Variants in STK33 observed in about 807,000 individuals in gnomAD.
The protein encoded by STK33 is serine/threonine-protein kinase 33.
STK33 carries 52 observed loss-of-function variants against 58.0 expected under a neutral mutation model. That is an observed-to-expected ratio of 0.90 (90% CI 0.72 to 1.13). The LOEUF (loss-of-function observed/expected upper bound fraction) is 1.13. STK33 is among the 50% of genes most tolerant of loss of function. STK33 has a pLI of 0.00. For synonymous variants in STK33, 215 were observed against 200.1 expected (o/e 1.07, Z -0.63); for missense variants, 630 against 604.2 (o/e 1.04, Z -0.45).
intron 11 of STK33, among the ~76,000 whole-genome samples, chr11:8,444,149 T>C (rs1370749462): frequency 6.6e-6 from 1 of 152,124 alleles, no homozygotes; most frequent in African/African-American, 2.4e-5. Flanking sequence ...TTGGGAGCTT[T>C]ATTTATTATT....
intron 1 of STK33, among the ~76,000 whole-genome samples, chr11:8,496,390 A>C (rs1387143473): frequency 6.6e-6 from 1 of 152,190 alleles, no homozygotes; most frequent in Non-Finnish European, 1.5e-5. Context: ...TGCTTCTATG[A>C]TTAGACTTGA....
chr11:8,565,469 G>C (rs1196761879), intron 1 of STK33, among the ~76,000 whole-genome samples: 1 of 151,500 alleles, frequency 6.6e-6, no homozygotes, highest in Non-Finnish European at 1.5e-5. Context: ...TTCACAGCCG[G>C]AGTCATAAGC....
At chr11:8,579,978 G>C (rs1023648495) in intron 1 of STK33, among the ~76,000 whole-genome samples, 3 of 152,146 alleles carry the variant, frequency 2.0e-5, no homozygotes, top group Non-Finnish European at 4.4e-5. Context: ...AAATGCTAGA[G>C]GAGATGTGGA....
chr11:8,344,349 T>A, the STK33 span, among the ~76,000 whole-genome samples: 7 of 152,106 alleles, frequency 4.6e-5, no homozygotes, highest in Non-Finnish European at 7.4e-5. Flanking sequence ...ACCACTGCAC[T>A]CCAACCTGGG....
chr11:8,465,628 C>T (rs1158560984), intron 6 of STK33: 2 of 152,108 alleles, frequency 1.3e-5, no homozygotes, highest in African/African-American at 4.8e-5. Flanking sequence ...GTTTCTGGAC[C>T]CATCGTGCAT....
At chr11:8,593,321 T>C (rs1047760237) in intron 1 of STK33, among the ~76,000 whole-genome samples, 2 of 152,178 alleles carry the variant, frequency 1.3e-5, no homozygotes, top group Admixed American at 6.5e-5. Context: ...TGGTTGGATA[T>C]TGGAGTCATT....
chr11:8,355,585 GCT>G, the STK33 span, among the ~76,000 whole-genome samples: 24 of 152,306 alleles, frequency 1.6e-4, no homozygotes, highest in Non-Finnish European at 3.2e-4. Context: ...CTGAGCAGCA[GCT>G]CCAGGCCCGC....
intron 1 of STK33, among the ~76,000 whole-genome samples, chr11:8,510,812 T>C (rs978335296): frequency 1.8e-4 from 28 of 152,164 alleles, no homozygotes; most frequent in African/African-American, 6.8e-4. Context: ...CAGTTGGCTA[T>C]AAGTGTTTGA....
At chr11:8,384,366 G>T in the STK33 span, among the ~76,000 whole-genome samples, 1 of 152,132 alleles carries the variant, frequency 6.6e-6, no homozygotes, top group Non-Finnish European at 1.5e-5. Context: ...GCCTGGGAAG[G>T]CGCTCATTAC....
the STK33 span, among the ~76,000 whole-genome samples, chr11:8,384,387 G>A: frequency 4.6e-5 from 7 of 151,698 alleles, no homozygotes; most frequent in Non-Finnish European, 8.8e-5. Context: ...TTAGCAGACC[G>A]TGAAAGGGAA....
intron 1 of STK33, among the ~76,000 whole-genome samples, chr11:8,564,219 G>C (rs1591813857): frequency 6.6e-6 from 1 of 152,272 alleles, no homozygotes; most frequent in South Asian, 2.1e-4. Context: ...ATATAGATTT[G>C]GTTGTAGGGA....
chr11:8,584,746 A>G (rs559528161), intron 1 of STK33, among the ~76,000 whole-genome samples: 29 of 152,220 alleles, frequency 1.9e-4, no homozygotes, highest in African/African-American at 7.0e-4. Flanking sequence ...CAGGAGATAG[A>G]CCCTTTCAGA....
intron 15 of STK33, among the ~76,000 whole-genome samples, chr11:8,398,377 A>G (rs11041905): frequency 0.61 from 92,745 of 151,960 alleles, 29,329 homozygotes; most frequent in African/African-American, 0.76. Context: ...CATAAGTGAA[A>G]GAGAAATAAA....
At chr11:8,422,505 G>C (rs548647408) in intron 14 of STK33, among the ~76,000 whole-genome samples, 1 of 152,150 alleles carries the variant, frequency 6.6e-6, no homozygotes, top group East Asian at 1.9e-4. Context: ...CTCTTTTGAG[G>C]GGTAGAAGAA....
chr11:8,485,441 T>G (rs1219048541), intron 1 of STK33, among the ~76,000 whole-genome samples: 1 of 152,180 alleles, frequency 6.6e-6, no homozygotes, highest in Non-Finnish European at 1.5e-5. Flanking sequence ...CAAGTCAAAC[T>G]GAACCTAAAA....
chr11:8,457,404 C>A lies in STK33; in HGVS notation c.634G>T (p.Glu212Ter), dbSNP rs752273050. ...TGAATGATCCACCTTGTCTCATTCT[C>A]TGAGAAATGCCCTTTCCTATCCAGA... ...EILDRKGHFS[E>*]NETRWIIQSL... is the part of the protein sequence containing the mutation. Residue 212 changes from glutamate to a stop codon, truncating the protein, a stop_gained, in exon 9 of 16, where the codon GAG becomes TAG. Transcript: ENST00000687296. LOFTEE classifies it high-confidence loss of function. The A allele has an allele frequency of 6.2e-7, 1 of 1,608,596 alleles. No individual in the cohort carries two copies. Among genetic ancestry groups the A allele is most frequent in the Non-Finnish European group, 8.5e-7 (1 of 1,176,298 alleles).
intron 1 of STK33, among the ~76,000 whole-genome samples, chr11:8,565,485 G>T (rs1957389669): frequency 6.6e-6 from 1 of 151,532 alleles, no homozygotes. Context: ...TAAGCCCCGA[G>T]TTCAAATATC....
At position 8,549,732 on chromosome 11, in the gene STK33, ATTCAT is replaced by A. The variant is rs199857954; in HGVS notation, c.-466+44346_-466+44350del. Among the ~76,000 whole-genome samples the A allele has an allele frequency of 6.6e-3, 997 of 152,130 alleles. 9 individuals carry two copies. Among genetic ancestry groups the A allele is most frequent in the African/African-American group, 0.022 (904 of 41,520 alleles). On this transcript the variant is annotated intron_variant, in intron 1 of 15. Coordinates refer to ENST00000687296, the MANE Select transcript of STK33 (RefSeq NM_001352389.2). ...TGATAGGTTATGTATATAGGAATTT[ATTCAT>A]TTCGTCTAAGTTTTTCAATTTGTTG...
chr11:8,398,713 A>T (rs112635077), intron 15 of STK33, among the ~76,000 whole-genome samples: 33,803 of 151,694 alleles, frequency 0.22, 4,051 homozygotes, highest in South Asian at 0.36. Flanking sequence ...TATTCAGGAA[A>T]CTCATCTCAC....
Sources: gnomAD v4.1 joint callset for allele counts (sites outside exome capture counted in the v4.1 genomes callset) on GRCh38, gnomAD v4.1.1 for gene constraint, MANE v1.5 for transcripts, NCBI Gene and HGNC (gene_info 2026-07-23, HGNC 2026-07-21) for gene names.